RCOR1: variants seen among roughly 807,000 people sequenced by gnomAD.
The protein encoded by RCOR1 is REST corepressor 1.
A neutral mutation model predicts 64.0 loss-of-function variants in RCOR1; 12 were observed. The observed-to-expected ratio is 0.19, with a 90% CI of 0.12 to 0.30. The LOEUF is 0.30. RCOR1 is among the 10% of genes least tolerant of loss of function. The probability of loss-of-function intolerance (pLI) is 1.00; values close to 1 mark genes in which losing one functional copy is unlikely to be tolerated. For synonymous variants in RCOR1, 279 were observed against 227.2 expected (o/e 1.23, Z -2.05); for missense variants, 502 against 621.2 (o/e 0.81, Z 2.04).
At chr14:102,602,654 G>A (rs1266206944) in intron 2 of RCOR1, among the ~76,000 whole-genome samples, 1 of 152,112 alleles carries the variant, frequency 6.6e-6, no homozygotes, top group Non-Finnish European at 1.5e-5. Flanking sequence ...GTGATCTCCC[G>A]CATCGGCCTC....
chr14:102,607,828 G>A (rs1893544899), intron 2 of RCOR1, among the ~76,000 whole-genome samples: 1 of 152,192 alleles, frequency 6.6e-6, no homozygotes, highest in Admixed American at 6.5e-5. Flanking sequence ...GCTGCAGTGA[G>A]CTGAGATCGT....
chr14:102,700,889 G>C (rs1270579739), intron 3 of RCOR1, among the ~76,000 whole-genome samples: 1 of 152,184 alleles, frequency 6.6e-6, no homozygotes, highest in Non-Finnish European at 1.5e-5. Flanking sequence ...AGGTTTAATG[G>C]ACTTAGAGTT....
chr14:102,659,161 T>A lies in RCOR1; in HGVS notation c.362-22734T>A, dbSNP rs564212555. The stretch of plus-strand genomic sequence containing the variant: ...TTACTGGACTTTTTATTTGACTTTT[T>A]AAAAAGAAGCTCTTTAGATAAAATC... On this transcript the variant is annotated intron_variant, in intron 2 of 11. Transcript: ENST00000262241. 8 of 985,246 alleles carry A rather than the reference T, an allele frequency of 8.1e-6. No homozygotes were observed. The African/African-American group carries it at 1.4e-4, about 17-fold the overall frequency. The allele number at this position is 985,246 out of a possible 1,614,324, so 61.0% of individuals were successfully genotyped here.
At position 102,730,252 on chromosome 14, in the gene RCOR1, G is replaced by A. The variant is rs934755008; in HGVS notation, c.*3746G>A. The A allele has an allele frequency of 2.7e-6, 1 of 374,046 alleles. No homozygotes were observed. The highest frequency in any genetic ancestry group is 4.7e-6 in the Non-Finnish European group (1 of 211,076). 23.2% of individuals were successfully genotyped at this position (374,046 alleles called of 1,614,324 possible). On this transcript the variant is annotated 3_prime_UTR_variant, in exon 12 of 12. Transcript: ENST00000262241. ...TTCAAGATTTTAAAAGATGTATAAG[G>A]TTAAGTTTGCAAATATAATGGAAAT... is the stretch of plus-strand genomic sequence containing the variant.
chr14:102,697,643 G>A (rs1895675301), intron 3 of RCOR1, among the ~76,000 whole-genome samples: 1 of 149,500 alleles, frequency 6.7e-6, no homozygotes, highest in African/African-American at 2.5e-5. Flanking sequence ...CACACCATGT[G>A]TCTTCATTTA....
Position 102,714,596 on chromosome 14 carries a change from A to G in RCOR1, c.1032A>G (p.Glu344=), listed in dbSNP as rs772002072. Residue 344 remains glutamate (E), a synonymous_variant, in exon 8 of 12, where the codon GAA becomes GAG. Coordinates refer to ENST00000262241, the MANE Select transcript of RCOR1 (RefSeq NM_015156.4). ...ATTVLRQLDM[E]LVSVKRQIQN... ...CGGTGCTGAGACAACTAGACATGGA[A>G]TTGGTTTCAGTCAAACGACAGGTAC... is the stretch of plus-strand genomic sequence containing the variant. The G allele has an allele frequency of 6.2e-7, 1 of 1,608,644 alleles. No individual in the cohort carries two copies. Among genetic ancestry groups the G allele is most frequent in the Non-Finnish European group, 8.5e-7 (1 of 1,176,878 alleles).
intron 2 of RCOR1, among the ~76,000 whole-genome samples, chr14:102,623,119 C>T (rs1288495793): frequency 6.6e-6 from 1 of 152,046 alleles, no homozygotes; most frequent in Non-Finnish European, 1.5e-5. Flanking sequence ...CACATCTTTG[C>T]TTTTAACTTG....
chr14:102,608,726 T>C (rs1427696296), intron 2 of RCOR1, among the ~76,000 whole-genome samples: 4 of 150,894 alleles, frequency 2.7e-5, no homozygotes, highest in Admixed American at 2.0e-4. Context: ...CCTGGCCTAA[T>C]TTTAAAATTT....
chr14:102,623,573 T>G (rs1485223897), intron 2 of RCOR1, among the ~76,000 whole-genome samples: 1 of 151,500 alleles, frequency 6.6e-6, no homozygotes, highest in Non-Finnish European at 1.5e-5. Flanking sequence ...CACGCCTGGC[T>G]AATTTTTTGT....
At chr14:102,657,348 C>A in intron 2 of RCOR1, 3 of 985,200 alleles carry the variant, frequency 3.0e-6, no homozygotes, top group Non-Finnish European at 3.6e-6. Context: ...CATTTAAACC[C>A]ATGTTTTAAT....
chr14:102,656,034 A>G, intron 2 of RCOR1: 1 of 985,262 alleles, frequency 1.0e-6, no homozygotes, highest in Non-Finnish European at 1.2e-6. Flanking sequence ...TTCCAAAATT[A>G]AGATTAAGCT....
intron 8 of RCOR1, among the ~76,000 whole-genome samples, chr14:102,718,085 T>C (rs958337080): frequency 6.6e-6 from 1 of 152,232 alleles, no homozygotes; most frequent in Non-Finnish European, 1.5e-5. Flanking sequence ...TTTTCTCAAA[T>C]GGCAAGAAGT....
chr14:102,654,675 G>A (rs1328260557), intron 2 of RCOR1, among the ~76,000 whole-genome samples: 1 of 151,624 alleles, frequency 6.6e-6, no homozygotes, highest in Admixed American at 6.6e-5. Context: ...AGACCAGCCT[G>A]GGCAAGATAG....
intron 2 of RCOR1, chr14:102,659,133 G>A (rs1894782174): frequency 2.0e-6 from 2 of 985,118 alleles, no homozygotes; most frequent in South Asian, 9.4e-5. Flanking sequence ...TTATTCTACC[G>A]ACTTACTGGA....
intron 2 of RCOR1, among the ~76,000 whole-genome samples, chr14:102,680,341 G>C (rs1895278743): frequency 6.6e-6 from 1 of 152,002 alleles, no homozygotes; most frequent in African/African-American, 2.4e-5. Flanking sequence ...TTCCACTGTG[G>C]ATGCCTTTAT....
chr14:102,729,636 C>T lies in RCOR1; in HGVS notation c.*3130C>T. 1 of 387,892 alleles carries T rather than the reference C, an allele frequency of 2.6e-6. No individual in the cohort carries two copies. 24.0% of individuals were successfully genotyped at this position (387,892 alleles called of 1,614,324 possible). A position where few individuals can be genotyped will look rare whatever the true frequency, so the allele number is the denominator to read the frequency against. ...CTGGGGTGGACTCATAAAACAGTGG[C>T]TTTCTGTTCATCTAAAGTTTCCTCA... On this transcript the variant is annotated 3_prime_UTR_variant, in exon 12 of 12. Coordinates refer to ENST00000262241, the MANE Select transcript of RCOR1 (RefSeq NM_015156.4).
Position 102,630,229 on chromosome 14 carries a change from G to C in RCOR1, c.361+36904G>C, listed in dbSNP as rs558680198. ...TCCTACAAGAGCTGGTTGTTAAAAA[G>C]AGCTGGCGCCTCTCTCTTGCTGCTT... On this transcript the variant is annotated intron_variant, in intron 2 of 11. Transcript: ENST00000262241. 5.3e-5 allele frequency among the ~76,000 whole-genome samples: 8 copies of C among 152,200 alleles called. No individual in the cohort carries two copies. In the South Asian group the frequency reaches 1.7e-3, roughly 32 times the overall value.
intron 2 of RCOR1, among the ~76,000 whole-genome samples, chr14:102,614,059 C>T (rs892511277): frequency 6.6e-6 from 1 of 151,498 alleles, no homozygotes; most frequent in Non-Finnish European, 1.5e-5. Context: ...CTACACCCGG[C>T]TGATTTTGTA....
chr14:102,721,734 T>C (rs1238958889), intron 10 of RCOR1, among the ~76,000 whole-genome samples: 1 of 152,026 alleles, frequency 6.6e-6, no homozygotes, highest in Non-Finnish European at 1.5e-5. Context: ...CTTTCCCACT[T>C]CTCACAAGTT....
Sources: allele counts gnomAD v4.1 joint callset (sites outside exome capture counted in the v4.1 genomes callset), GRCh38; gene constraint gnomAD v4.1.1; transcripts MANE v1.5; gene names NCBI Gene and HGNC (gene_info 2026-07-23, HGNC 2026-07-21).